The following DTD1 variants were observed in gnomAD, a reference collection of about 807,000 sequenced individuals.
The protein encoded by DTD1 is D-aminoacyl-tRNA deacylase 1.
In DTD1, 13 loss-of-function variants were observed where a neutral mutation model predicts 25.6. The observed-to-expected ratio is 0.51, with a 90% CI of 0.33 to 0.81. DTD1 has a LOEUF of 0.81. Among genes scored for constraint, DTD1 ranks in the 30% least tolerant of loss-of-function variants. The pLI, the probability that DTD1 is intolerant of heterozygous loss-of-function variation, is 0.02. For missense variants in DTD1, 193 were observed against 266.4 expected, an observed-to-expected ratio of 0.72 and a Z score of 1.92; for synonymous variants, 110 against 103.6, an observed-to-expected ratio of 1.06 and a Z score of -0.37.
At chr20:18,612,691 C>T (rs1356646636) in intron 3 of DTD1, among the ~76,000 whole-genome samples, 1 of 151,874 alleles carries the variant, frequency 6.6e-6, no homozygotes, top group African/African-American at 2.4e-5. Context: ...CAGAGTCTCA[C>T]TCTGTCGCCC....
rs547536141 is a variant in DTD1, at chr20:18,704,475, C to A, written c.478-39625C>A. Among the ~76,000 whole-genome samples the A allele has an allele frequency of 1.1e-3, 162 of 152,152 alleles. 1 individual carries two copies. Among genetic ancestry groups the A allele is most frequent in the African/African-American group, 3.5e-3 (145 of 41,498 alleles). On this transcript the variant is annotated intron_variant, in intron 4 of 5. Transcript: ENST00000377452. ...TGTGCAAGGGGTGGGGAAAAGATGC[C>A]TAACCAAGGGCAAATATGGGAGGGT...
chr20:18,616,981 C>CT (rs2060711539), intron 3 of DTD1, among the ~76,000 whole-genome samples: 1 of 152,124 alleles, frequency 6.6e-6, no homozygotes, highest in African/African-American at 2.4e-5. Context: ...CCTTTCTATT[C>CT]TTTCCATTCT....
chr20:18,603,095 G>A, intron 3 of DTD1, among the ~76,000 whole-genome samples: 1 of 97,662 alleles, frequency 1.0e-5, no homozygotes. Context: ...CCAAGCAAAT[G>A]GAAAACAAAA....
chr20:18,700,838 G>A (rs991191064), intron 4 of DTD1, among the ~76,000 whole-genome samples: 3 of 152,140 alleles, frequency 2.0e-5, no homozygotes, highest in African/African-American at 4.8e-5. Context: ...GACCTTGGGA[G>A]GAAGGAAGGC....
At chr20:18,612,120 CG>C (rs1343876875) in intron 3 of DTD1, among the ~76,000 whole-genome samples, 3 of 149,528 alleles carry the variant, frequency 2.0e-5, no homozygotes, top group Admixed American at 2.0e-4. Flanking sequence ...CTGCAAGCTC[CG>C]CCTCCCGGGT....
intron 3 of DTD1, among the ~76,000 whole-genome samples, chr20:18,623,990 T>A (rs1199194073): frequency 6.6e-6 from 1 of 151,570 alleles, no homozygotes; most frequent in Non-Finnish European, 1.5e-5. Flanking sequence ...CAGGAACTGA[T>A]GGAGGGTGGT....
At chr20:18,670,870 T>C (rs534861435) in intron 4 of DTD1, among the ~76,000 whole-genome samples, 51 of 152,316 alleles carry the variant, frequency 3.3e-4, no homozygotes, top group African/African-American at 1.2e-3. Flanking sequence ...CAGAAAAACG[T>C]GAGTCTCAAG....
chr20:18,667,533 CAT>C (rs1183823002), intron 4 of DTD1, among the ~76,000 whole-genome samples: 1 of 151,878 alleles, frequency 6.6e-6, no homozygotes, highest in Non-Finnish European at 1.5e-5. Context: ...AAGGATGGCA[CAT>C]GAGAGGGCGT....
chr20:18,593,491 G>T (rs1301323274), intron 1 of DTD1, among the ~76,000 whole-genome samples: 1 of 152,130 alleles, frequency 6.6e-6, no homozygotes, highest in African/African-American at 2.4e-5. Context: ...CTAAGATCCT[G>T]CTTAATGGTT....
intron 3 of DTD1, among the ~76,000 whole-genome samples, chr20:18,621,352 G>C (rs1285422863): frequency 6.6e-6 from 1 of 152,188 alleles, no homozygotes; most frequent in African/African-American, 2.4e-5. Flanking sequence ...TGGGGCATAT[G>C]ATGTCGACAT....
intron 3 of DTD1, among the ~76,000 whole-genome samples, chr20:18,600,046 A>G (rs975712446): frequency 3.3e-5 from 5 of 152,086 alleles, no homozygotes; most frequent in Admixed American, 3.3e-4. Flanking sequence ...TTTTTTCTCA[A>G]TCTGTGGCTT....
chr20:18,756,688 T>G (rs1268254210), intron 5 of DTD1, among the ~76,000 whole-genome samples: 3 of 151,950 alleles, frequency 2.0e-5, no homozygotes, highest in Non-Finnish European at 4.4e-5. Flanking sequence ...TAGTATAGTT[T>G]GAAGTCAGGT....
At chr20:18,652,400 A>G (rs1568659106) in intron 4 of DTD1, among the ~76,000 whole-genome samples, 1 of 152,262 alleles carries the variant, frequency 6.6e-6, no homozygotes, top group Non-Finnish European at 1.5e-5. Context: ...GTCAGTCACA[A>G]TCTTGGACAA....
At chr20:18,670,264 T>C (rs1028189587) in intron 4 of DTD1, among the ~76,000 whole-genome samples, 1 of 152,204 alleles carries the variant, frequency 6.6e-6, no homozygotes, top group African/African-American at 2.4e-5. Flanking sequence ...GAGACCAGCC[T>C]GGCCAACATG....
At chr20:18,714,937 G>A (rs2061174388) in intron 4 of DTD1, among the ~76,000 whole-genome samples, 1 of 152,164 alleles carries the variant, frequency 6.6e-6, no homozygotes, top group Non-Finnish European at 1.5e-5. Flanking sequence ...TGATATGAAC[G>A]AATGTCTATT....
chr20:18,684,798 A>T (rs1018100284), intron 4 of DTD1, among the ~76,000 whole-genome samples: 3 of 151,580 alleles, frequency 2.0e-5, no homozygotes, highest in Non-Finnish European at 2.9e-5. Flanking sequence ...GACAGTGACA[A>T]CTCCCAAAAT....
chr20:18,632,149 A>G (rs2060790876), intron 4 of DTD1: 1 of 984,872 alleles, frequency 1.0e-6, no homozygotes, highest in Non-Finnish European at 1.2e-6. Context: ...TACACCTTAT[A>G]CAATAAATCC....
intron 4 of DTD1, among the ~76,000 whole-genome samples, chr20:18,704,516 A>C (rs2061118334): frequency 6.6e-6 from 1 of 152,218 alleles, no homozygotes; most frequent in Non-Finnish European, 1.5e-5. Flanking sequence ...CATCCTGTAA[A>C]ATAAGCAGAG....
At chr20:18,700,081 C>T (rs148404053) in intron 4 of DTD1, among the ~76,000 whole-genome samples, 3 of 152,294 alleles carry the variant, frequency 2.0e-5, no homozygotes, top group Middle Eastern at 3.4e-3. Context: ...TCCAGTCTTA[C>T]GATCTTGATA....
Sources: allele counts gnomAD v4.1 joint callset (sites outside exome capture counted in the v4.1 genomes callset), GRCh38; gene constraint gnomAD v4.1.1; transcripts MANE v1.5; gene names NCBI Gene and HGNC (gene_info 2026-07-23, HGNC 2026-07-21).